The following NHSL2 variants were observed in gnomAD, a reference collection of about 807,000 sequenced individuals.
NHSL2 encodes the protein NHS-like protein 2.
NHSL2 carries 27 observed loss-of-function variants against 53.4 expected under a neutral mutation model. The ratio of observed to expected loss-of-function variants is 0.51; its 90% CI spans 0.37 to 0.70. The LOEUF is 0.70. NHSL2 is among the 30% of genes least tolerant of loss of function. NHSL2 has a pLI of 0.00. For synonymous variants in NHSL2, 408 were observed against 404.1 expected, an observed-to-expected ratio of 1.01 and a Z score of -0.12; for missense variants, 892 against 980.1, an observed-to-expected ratio of 0.91 and a Z score of 1.20.
chrX:72,051,263 C>A (rs1179936950), intron 1 of NHSL2, among the ~76,000 whole-genome samples: 1 of 111,984 alleles, frequency 8.9e-6, no homozygotes, highest in African/African-American at 3.3e-5. Context: ...TAGATTATTT[C>A]TATTTTTTAC....
At position 71,910,950 on chromosome X, in the gene NHSL2, G is replaced by C; in HGVS notation, c.-138G>C. ...CGCCCGTCGTCTTTGGCGCCCGCAC[G>C]CTCTCCGGCCCGCGCCCAGGGGCCT... On this transcript the variant is annotated 5_prime_UTR_variant, in exon 1 of 8. Coordinates refer to ENST00000633930, the MANE Select transcript of NHSL2 (RefSeq NM_001013627.3). 2.3e-6 allele frequency: 1 copy of C among 425,786 alleles called. No homozygotes were observed. The highest frequency in any genetic ancestry group is 3.3e-6 in the Non-Finnish European group (1 of 299,278). 35.1% of individuals were successfully genotyped at this position (425,786 alleles called of 1,213,427 possible). A position where few individuals can be genotyped will look rare whatever the true frequency, so the allele number is the denominator to read the frequency against.
At chrX:72,009,411 A>T (rs2042107065) in intron 1 of NHSL2, among the ~76,000 whole-genome samples, 1 of 112,889 alleles carries the variant, frequency 8.9e-6, no homozygotes, top group African/African-American at 3.2e-5. Flanking sequence ...TGCCATCCAC[A>T]CAGGTCAGCC....
chrX:72,056,000 A>G (rs778768429), intron 1 of NHSL2, among the ~76,000 whole-genome samples: 45 of 111,897 alleles, frequency 4.0e-4, no homozygotes, highest in African/African-American at 1.4e-3. Flanking sequence ...CTTTTTTTGT[A>G]ATGGCAAAAT....
At chrX:71,922,483 A>G (rs926331970) in intron 1 of NHSL2, among the ~76,000 whole-genome samples, 1 of 112,121 alleles carries the variant, frequency 8.9e-6, no homozygotes, top group Admixed American at 9.4e-5. Flanking sequence ...CCTCCCAAGC[A>G]ATACTGTACA....
intron 1 of NHSL2, among the ~76,000 whole-genome samples, chrX:71,917,188 G>C (rs752657109): frequency 9.0e-6 from 1 of 110,930 alleles, no homozygotes; most frequent in South Asian, 3.9e-4. Flanking sequence ...AGACCACTAG[G>C]TATCAGCCAG....
At chrX:72,057,255 AT>A (rs2042374910) in intron 1 of NHSL2, among the ~76,000 whole-genome samples, 1 of 111,614 alleles carries the variant, frequency 9.0e-6, no homozygotes, top group Admixed American at 9.5e-5. Context: ...AGGTCCTTAA[AT>A]TTTTTTATCT....
At chrX:72,012,733 C>T (rs1347489225) in intron 1 of NHSL2, among the ~76,000 whole-genome samples, 1 of 112,688 alleles carries the variant, frequency 8.9e-6, no homozygotes, top group African/African-American at 3.2e-5. Flanking sequence ...CAGCCCACTA[C>T]ACAGGTCAAA....
intron 1 of NHSL2, among the ~76,000 whole-genome samples, chrX:72,054,451 T>G (rs764216341): frequency 8.9e-6 from 1 of 111,865 alleles, no homozygotes; most frequent in East Asian, 2.8e-4. Context: ...TCTTCTGGAC[T>G]CTTTCTCTCT....
chrX:72,090,213 G>A (rs2041884445), intron 1 of NHSL2, among the ~76,000 whole-genome samples: 2 of 110,487 alleles, frequency 1.8e-5, no homozygotes, highest in African/African-American at 6.6e-5. Flanking sequence ...ACAGGCACAC[G>A]CCACCTCACC....
In NHSL2 at chrX:72,025,441, C is replaced by T. The variant is rs781370302; in HGVS notation, c.281-106638C>T. The stretch of plus-strand genomic sequence containing the variant: ...CACTCTCACCTCACCCTCCCAACTC[C>T]AGGAACTCGGTGTGATTATCCCACT... On this transcript the variant is annotated intron_variant, in intron 1 of 7. Coordinates refer to ENST00000633930, the MANE Select transcript of NHSL2 (RefSeq NM_001013627.3). Among the ~76,000 whole-genome samples the T allele has an allele frequency of 1.7e-4, 19 of 111,909 alleles. No individual in the cohort carries two copies. The East Asian group carries it at 5.3e-3, about 31-fold the overall frequency.
At chrX:72,010,522 G>A (rs1002865747) in intron 1 of NHSL2, among the ~76,000 whole-genome samples, 5 of 112,524 alleles carry the variant, frequency 4.4e-5, no homozygotes, top group Non-Finnish European at 1.9e-5. Flanking sequence ...TATCAGTGGA[G>A]AGTGCCCACT....
At chrX:71,952,563 G>A (rs2041825490) in intron 1 of NHSL2, among the ~76,000 whole-genome samples, 1 of 111,325 alleles carries the variant, frequency 9.0e-6, no homozygotes, top group Admixed American at 9.5e-5. Flanking sequence ...GTGGGAGAAG[G>A]GGTAAACAGG....
chrX:71,926,154 G>A (rs763280404), intron 1 of NHSL2, among the ~76,000 whole-genome samples: 2 of 112,128 alleles, frequency 1.8e-5, no homozygotes, highest in African/African-American at 6.5e-5. Context: ...AATTTATGAA[G>A]CTCTTTTACA....
At chrX:72,007,625 A>C (rs1350048575) in intron 1 of NHSL2, among the ~76,000 whole-genome samples, 2 of 113,136 alleles carry the variant, frequency 1.8e-5, no homozygotes, top group Non-Finnish European at 3.7e-5. Context: ...GACACACAAA[A>C]GCTCATTTGA....
rs73624210 is a variant in NHSL2 at position 72,115,830 on chromosome X, G to A, written c.281-16249G>A. 2.8e-3 allele frequency among the ~76,000 whole-genome samples: 316 copies of A among 111,742 alleles called. 2 individuals are homozygous for A. The highest frequency in any genetic ancestry group is 9.6e-3 in the African/African-American group (295 of 30,703). On this transcript the variant is annotated intron_variant, in intron 1 of 7. Coordinates refer to ENST00000633930, the MANE Select transcript of NHSL2 (RefSeq NM_001013627.3). ...CTAACATGTGAGCCACTAGTGTAGTGTAGGGCAGTGATTCTCAAAATATGA... is the reference window on the plus strand; with the variant it reads ...CTAACATGTGAGCCACTAGTGTAGTATAGGGCAGTGATTCTCAAAATATGA...
At chrX:72,039,073 TTTCCTTTCC>T (rs2042257478) in intron 1 of NHSL2, among the ~76,000 whole-genome samples, 1 of 29,429 alleles carries the variant, frequency 3.4e-5, no homozygotes, top group African/African-American at 3.5e-4. Context: ...TTTCTTTTCC[TTTCCTTTCC>T]TTTCCTTTCC....
chrX:71,937,909 C>T (rs1212767539), intron 1 of NHSL2, among the ~76,000 whole-genome samples: 1 of 112,018 alleles, frequency 8.9e-6, no homozygotes, highest in Non-Finnish European at 1.9e-5. Context: ...CCGTTGTGAA[C>T]ATTGCTAGTC....
At chrX:71,939,733 C>T (rs1438811018) in intron 1 of NHSL2, among the ~76,000 whole-genome samples, 1 of 111,929 alleles carries the variant, frequency 8.9e-6, no homozygotes, top group East Asian at 2.8e-4. Context: ...TTAACACTAC[C>T]TTCCTTTTAA....
At chrX:72,057,390 A>G (rs2042375387) in intron 1 of NHSL2, among the ~76,000 whole-genome samples, 1 of 112,286 alleles carries the variant, frequency 8.9e-6, no homozygotes, top group African/African-American at 3.2e-5. Flanking sequence ...AATTTACATA[A>G]ATAGTATTGA....
Sources: allele counts gnomAD v4.1 joint callset (sites outside exome capture counted in the v4.1 genomes callset), GRCh38; gene constraint gnomAD v4.1.1; transcripts MANE v1.5; gene names NCBI Gene and HGNC (gene_info 2026-07-23, HGNC 2026-07-21).